CFAP58: variants seen among roughly 807,000 people sequenced by gnomAD.
The protein encoded by CFAP58 is cilia- and flagella-associated protein 58.
Under a neutral mutation model 119.5 loss-of-function variants are expected in CFAP58, and 88 were observed. That is an observed-to-expected ratio of 0.74 (90% CI 0.62 to 0.88). CFAP58 has a LOEUF of 0.88. CFAP58 is among the 40% of genes least tolerant of loss of function. The pLI, the probability that CFAP58 is intolerant of heterozygous loss-of-function variation, is 0.00. For missense variants in CFAP58, 990 were observed against 1,021.2 expected (o/e 0.97, Z 0.42); for synonymous variants, 365 against 366.3 (o/e 1.00, Z 0.04).
In CFAP58 at chr10:104,393,346, G is replaced by A. The variant is rs145923348; in HGVS notation, c.1545G>A (p.Met515Ile). ...TTGGTTAGGATGAAATAACAGATAT[G>A]AAGAGAAAGTTAAAGATTATGATCC... is the stretch of plus-strand genomic sequence containing the variant. The part of the protein sequence containing the change: ...LVEAQDEITD[M>I]KRKLKIMIHQ... Residue 515 changes from methionine (M) to isoleucine (I), a missense_variant, in exon 11 of 18, where the codon ATG becomes ATA. Physicochemically the swap from Met to Ile is conservative, Grantham distance 10. Transcript: ENST00000369704. 1.1e-4 allele frequency: 185 copies of A among 1,613,520 alleles called. No individual in the cohort carries two copies. The highest frequency in any genetic ancestry group is 1.6e-4 in the Middle Eastern group (1 of 6,078).
chr10:104,406,442 T>C (rs2012360402), intron 14 of CFAP58, among the ~76,000 whole-genome samples: 1 of 152,182 alleles, frequency 6.6e-6, no homozygotes. Context: ...AATAAACATA[T>C]TTACTTTGTA....
chr10:104,344,173 C>A, the CFAP58 span, among the ~76,000 whole-genome samples: 1 of 152,238 alleles, frequency 6.6e-6, no homozygotes, highest in Non-Finnish European at 1.5e-5. Context: ...TGATTGCCAT[C>A]CAACTTATTT....
chr10:104,386,894 TATC>T (rs561819316), intron 9 of CFAP58, among the ~76,000 whole-genome samples: 144 of 152,338 alleles, frequency 9.5e-4, no homozygotes, highest in African/African-American at 3.3e-3. Flanking sequence ...TTATCTGAAT[TATC>T]ATTGGCATTT....
chr10:104,368,660 A>G lies in CFAP58; in HGVS notation c.930+100A>G, dbSNP rs561568191. 7.9e-6 allele frequency: 10 copies of G among 1,270,114 alleles called. 1 individual carries two copies. The East Asian group carries it at 9.3e-5, about 12-fold the overall frequency. 78.7% of individuals were successfully genotyped at this position (1,270,114 alleles called of 1,614,324 possible). Reference sequence around the variant, plus strand: ...CAGTTGGAGAGCCTGTGTTGGCTCTACTGAGTACATTGACACATCAGAGGC... The same window carrying G: ...CAGTTGGAGAGCCTGTGTTGGCTCTGCTGAGTACATTGACACATCAGAGGC... On this transcript the variant is annotated intron_variant, in intron 6 of 17. Transcript: ENST00000369704.
At chr10:104,442,426 G>A (rs538950575) in intron 15 of CFAP58, among the ~76,000 whole-genome samples, 56 of 151,766 alleles carry the variant, frequency 3.7e-4, no homozygotes, top group Non-Finnish European at 6.9e-4. Flanking sequence ...CATCTCTACT[G>A]AAAATACAAA....
chr10:104,342,310 A>G, the CFAP58 span, among the ~76,000 whole-genome samples: 2 of 152,146 alleles, frequency 1.3e-5, no homozygotes, highest in African/African-American at 4.8e-5. Context: ...TTTATAGGTG[A>G]AAAAAACCCC....
intron 9 of CFAP58, among the ~76,000 whole-genome samples, chr10:104,391,293 C>T (rs2012034449): frequency 6.6e-6 from 1 of 152,174 alleles, no homozygotes; most frequent in African/African-American, 2.4e-5. Context: ...CATACATGGA[C>T]CTGTTTCTTC....
chr10:104,354,660 C>T (rs2014517002), intron 1 of CFAP58, among the ~76,000 whole-genome samples: 1 of 152,174 alleles, frequency 6.6e-6, no homozygotes, highest in African/African-American at 2.4e-5. Context: ...CAGAGCCCTT[C>T]CCCCATCACC....
chr10:104,372,601 C>T (rs1300952627), intron 7 of CFAP58, among the ~76,000 whole-genome samples: 2 of 152,102 alleles, frequency 1.3e-5, no homozygotes, highest in Non-Finnish European at 2.9e-5. Context: ...CTTTGTTATG[C>T]CACAGTCTAG....
In CFAP58 at chr10:104,356,578, A is replaced by G. The variant is rs559364778; in HGVS notation, c.10-1763A>G. Among the ~76,000 whole-genome samples, 5 of 152,264 alleles carry G rather than the reference A, an allele frequency of 3.3e-5. No individual in the cohort carries two copies. The East Asian group carries it at 9.6e-4, about 29-fold the overall frequency. On this transcript the variant is annotated intron_variant, in intron 1 of 17. Transcript: ENST00000369704. Reference sequence around the variant, plus strand: ...TCCCTGTGGCCTGCAGAATAATGCAATCCGTACTCCTTTGAATGTAATTCA... The same window carrying G: ...TCCCTGTGGCCTGCAGAATAATGCAGTCCGTACTCCTTTGAATGTAATTCA...
intron 15 of CFAP58, among the ~76,000 whole-genome samples, chr10:104,445,948 C>A (rs1237775600): frequency 1.3e-5 from 2 of 152,092 alleles, no homozygotes; most frequent in African/African-American, 2.4e-5. Flanking sequence ...TATTCCAAAC[C>A]AGATTGCTTT....
intron 7 of CFAP58, among the ~76,000 whole-genome samples, chr10:104,374,893 G>T (rs2014871853): frequency 6.6e-6 from 1 of 151,248 alleles, no homozygotes; most frequent in South Asian, 2.1e-4. Context: ...TTAAAATGAG[G>T]GATTGGCTAA....
At chr10:104,425,597 C>T (rs1048371293) in intron 15 of CFAP58, among the ~76,000 whole-genome samples, 2 of 152,074 alleles carry the variant, frequency 1.3e-5, no homozygotes, top group Non-Finnish European at 2.9e-5. Context: ...AGTATTAGAC[C>T]AGTTTTACAA....
chr10:104,373,484 G>T (rs1014489685), intron 7 of CFAP58, among the ~76,000 whole-genome samples: 2 of 151,908 alleles, frequency 1.3e-5, no homozygotes, highest in African/African-American at 4.8e-5. Context: ...AAAAAAAATT[G>T]CCAGGTGTGG....
chr10:104,442,690 C>T (rs1357459539), intron 15 of CFAP58, among the ~76,000 whole-genome samples: 1 of 151,636 alleles, frequency 6.6e-6, no homozygotes, highest in Non-Finnish European at 1.5e-5. Context: ...AATTTGAATA[C>T]ATTTGCAAGT....
At chr10:104,386,898 A>C (rs1177473226) in intron 9 of CFAP58, among the ~76,000 whole-genome samples, 1 of 151,922 alleles carries the variant, frequency 6.6e-6, no homozygotes, top group Non-Finnish European at 1.5e-5. Flanking sequence ...CTGAATTATC[A>C]TTGGCATTTT....
At chr10:104,349,707 T>C (rs977785886), upstream of CFAP58, among the ~76,000 whole-genome samples, 1 of 152,116 alleles carries the variant, frequency 6.6e-6, no homozygotes, top group Non-Finnish European at 1.5e-5. Context: ...AAGCAACTAT[T>C]TACATGACTA....
intron 6 of CFAP58, among the ~76,000 whole-genome samples, chr10:104,370,123 G>C (rs1485798518): frequency 6.6e-6 from 1 of 152,170 alleles, no homozygotes; most frequent in Admixed American, 6.5e-5. Context: ...GTCCAAAAGA[G>C]TGTTTGAATA....
intron 15 of CFAP58, among the ~76,000 whole-genome samples, chr10:104,423,814 C>A (rs1202797115): frequency 6.6e-6 from 1 of 152,184 alleles, no homozygotes. Flanking sequence ...TAGTTGCCAA[C>A]AAGGACCCGG....
Sources: allele counts gnomAD v4.1 joint callset (sites outside exome capture counted in the v4.1 genomes callset), GRCh38; gene constraint gnomAD v4.1.1; transcripts MANE v1.5; gene names NCBI Gene and HGNC (gene_info 2026-07-23, HGNC 2026-07-21).